The following ZNF101 variants were observed in gnomAD, a reference collection of about 807,000 sequenced individuals.
ZNF101 encodes the protein zinc finger protein 101 (Y2).
Under a neutral mutation model 42.6 loss-of-function variants are expected in ZNF101, and 34 were observed. The ratio of observed to expected loss-of-function variants is 0.80; its 90% confidence interval spans 0.61 to 1.06. The LOEUF (loss-of-function observed/expected upper bound fraction) is 1.06. Among genes scored for constraint, ZNF101 ranks in the 50% least tolerant of loss-of-function variants. ZNF101 has a pLI of 0.00. For missense variants in ZNF101, 466 were observed against 530.9 expected (o/e 0.88, Z 1.20); for synonymous variants, 158 against 183.9 (o/e 0.86, Z 1.14).
At chr19:19,670,867 A>G (rs2062163948) in intron 1 of ZNF101, among the ~76,000 whole-genome samples, 2 of 152,318 alleles carry the variant, frequency 1.3e-5, no homozygotes, top group African/African-American at 2.4e-5. Context: ...ACACTTTGGG[A>G]GGCAGAGGCA....
At position 19,679,733 on chromosome 19, in the gene ZNF101, T is replaced by C. The variant is rs755640847; in HGVS notation, c.744T>C (p.Thr248=). ...SLFQIHVRTH[T]GEKPYKCKQC... is the part of the protein sequence containing the mutation. ...TTCAAATTCATGTTAGAACTCACAC[T>C]GGAGAAAAACCTTACAAATGTAAAC... is the stretch of plus-strand genomic sequence containing the variant. Residue 248 remains threonine, a synonymous_variant, in exon 4 of 4, where the codon ACT becomes ACC. Coordinates refer to ENST00000592502, the MANE Select transcript of ZNF101 (RefSeq NM_033204.4). The C allele has an allele frequency of 6.2e-7, 1 of 1,614,160 alleles. No homozygotes were observed. Among genetic ancestry groups the C allele is most frequent in the Non-Finnish European group, 8.5e-7 (1 of 1,180,002 alleles).
At chr19:19,672,775 C>G (rs2062178841) in intron 1 of ZNF101, among the ~76,000 whole-genome samples, 1 of 152,102 alleles carries the variant, frequency 6.6e-6, no homozygotes, top group East Asian at 1.9e-4. Context: ...AATCCTCCCA[C>G]TTCGACCTCC....
chr19:19,668,294 A>T (rs191059909), upstream of ZNF101, among the ~76,000 whole-genome samples: 4 of 152,166 alleles, frequency 2.6e-5, no homozygotes, highest in Non-Finnish European at 5.9e-5. Context: ...TTATAGGGCG[A>T]GGAACTGGGC....
At chr19:19,668,789 G>A (rs2062149095), upstream of ZNF101, 2 of 722,716 alleles carry the variant, frequency 2.8e-6, no homozygotes, top group South Asian at 2.1e-5. Flanking sequence ...GCGCCGGGAG[G>A]AGGGGCAACT....
chr19:19,673,766 T>C (rs992572092), intron 1 of ZNF101, among the ~76,000 whole-genome samples: 2 of 148,846 alleles, frequency 1.3e-5, no homozygotes, highest in Non-Finnish European at 3.0e-5. Context: ...CTGGGTTTTA[T>C]ATTTGTTGAG....
At chr19:19,670,444 G>A (rs2062161373) in intron 1 of ZNF101, among the ~76,000 whole-genome samples, 1 of 152,160 alleles carries the variant, frequency 6.6e-6, no homozygotes, top group Non-Finnish European at 1.5e-5. Flanking sequence ...TCACTATGTT[G>A]CCCAGTCTGC....
At position 19,671,934 on chromosome 19, in the gene ZNF101, G is replaced by A. The variant is rs946556512; in HGVS notation, c.3+2968G>A. ...ACGGCTTGTAACAGCAATTCAAGAT[G>A]AACTGAGGGCAGGAACACTGGCAAA... On this transcript the variant is annotated intron_variant, in intron 1 of 3. Transcript: ENST00000592502. Among the ~76,000 whole-genome samples the A allele has an allele frequency of 5.9e-5, 9 of 151,946 alleles. No homozygotes were observed. In the South Asian group the frequency reaches 6.2e-4, roughly 10 times the overall value.
chr19:19,680,102 T>G lies in ZNF101; in HGVS notation c.1113T>G (p.Cys371Trp). 1 of 1,614,168 alleles carries G rather than the reference T, an allele frequency of 6.2e-7. No homozygotes were observed. Among genetic ancestry groups the G allele is most frequent in the Non-Finnish European group, 8.5e-7 (1 of 1,180,020 alleles). ...SGEKPYECTRCGKAFGWCSSL... is the reference protein window; with the variant it reads ...SGEKPYECTRWGKAFGWCSSL... The stretch of plus-strand genomic sequence containing the variant: ...AAAAGCCATATGAATGTACAAGGTG[T>G]GGTAAAGCCTTTGGGTGGTGCAGTT... The change falls in exon 4 of 4, where the codon TGT becomes TGG. Residue 371 changes from cysteine (C) to tryptophan (W), a missense_variant. Transcript: ENST00000592502.
rs751890669 is a variant in ZNF101, at chr19:19,668,944, AG to A, written c.-18del. 1.2e-5 allele frequency: 19 copies of A among 1,587,036 alleles called. No individual in the cohort carries two copies. In the Admixed American group the frequency reaches 3.1e-4, roughly 26 times the overall value. On this transcript the variant is annotated 5_prime_UTR_variant, in exon 1 of 4. Coordinates refer to ENST00000592502, the MANE Select transcript of ZNF101 (RefSeq NM_033204.4). ...GCTGCTCCAGCCCCAGGAAGGACCC[AG>A]GACACCCGGAAGCCGGAAATGGTGA...
chr19:19,678,862 C>T, intron 3 of ZNF101, 76 bp downstream of exon 3: 1 of 1,300,860 alleles, frequency 7.7e-7, no homozygotes, highest in Non-Finnish European at 1.1e-6. Flanking sequence ...TAAAAAAATA[C>T]AAGACAAATA....
chr19:19,672,337 T>A (rs2062175916), intron 1 of ZNF101: 1 of 151,444 alleles, frequency 6.6e-6, no homozygotes, highest in Admixed American at 6.6e-5. Context: ...GGTAGCTGAA[T>A]CCTGAGTAGC....
At chr19:19,677,532 G>A (rs76248948) in intron 1 of ZNF101, 3,716 of 207,028 alleles carry the variant, frequency 0.018, 61 homozygotes, top group South Asian at 0.042. Context: ...TGAAATGAGC[G>A]CTGTCTGCAC....
At position 19,679,196 on chromosome 19, in the gene ZNF101, ACT is replaced by A. The variant is rs1005732522; in HGVS notation, c.210_211del (p.Cys71TrpfsTer3). ...TTTTTCATAGAAGTCTGGTGGAGAG[ACT>A]CTGTGGACGTAAAGAAGGGAATGAA... ...GIKLRSLVER[L>X]CGRKEGNEHR... is the part of the protein sequence containing the mutation. On this transcript the variant is annotated frameshift_variant, in exon 4 of 4. Coordinates refer to ENST00000592502, the MANE Select transcript of ZNF101 (RefSeq NM_033204.4). LOFTEE classifies it high-confidence loss of function. 5.0e-6 allele frequency: 8 copies of A among 1,613,070 alleles called. No individual in the cohort carries two copies. In the Admixed American group the frequency reaches 5.0e-5, roughly 10 times the overall value.
upstream of ZNF101, among the ~76,000 whole-genome samples, chr19:19,668,511 G>A (rs1048484192): frequency 7.2e-5 from 11 of 152,136 alleles, no homozygotes; most frequent in East Asian, 1.9e-3. Flanking sequence ...TTGTGTGGCG[G>A]TCACAAAGGA....
At chr19:19,678,925 A>C in intron 3 of ZNF101, 139 bp downstream of exon 3, 1 of 938,972 alleles carries the variant, frequency 1.1e-6, no homozygotes, top group Non-Finnish European at 1.6e-6. Context: ...CCAAAAATCT[A>C]TCCTTCAATG....
chr19:19,668,176 C>G (rs933440320), upstream of ZNF101, among the ~76,000 whole-genome samples: 19 of 151,798 alleles, frequency 1.3e-4, no homozygotes, highest in African/African-American at 4.6e-4. Context: ...GTAAGGTCAG[C>G]CGAAAGGACG....
chr19:19,677,782 T>C, intron 1 of ZNF101, 82 bp from the exon 2 acceptor site: 1 of 1,548,192 alleles, frequency 6.5e-7, no homozygotes. Context: ...GAGCCCGGCG[T>C]CATGGGATCA....
At chr19:19,675,111 C>T (rs910379753) in intron 1 of ZNF101, among the ~76,000 whole-genome samples, 23 of 149,718 alleles carry the variant, frequency 1.5e-4, no homozygotes, top group African/African-American at 3.7e-4. Flanking sequence ...TGAGCCACCG[C>T]GCCCAGCCAA....
chr19:19,678,762 A>G lies in ZNF101; in HGVS notation c.167A>G (p.Tyr56Cys). The G allele has an allele frequency of 8.7e-6, 14 of 1,611,968 alleles. No homozygotes were observed. The highest frequency in any genetic ancestry group is 1.2e-5 in the Non-Finnish European group (14 of 1,179,410). The change falls in exon 3 of 4, where the codon TAC becomes TGC. Residue 56 changes from tyrosine (Y) to cysteine (C), a missense_variant. Transcript: ENST00000592502. ...QWKDQDIENL[Y>C]QNLGIKLRSL... The stretch of plus-strand genomic sequence containing the variant: ...AAAGACCAGGACATTGAGAATCTGT[A>G]CCAAAACCTGGGGATTAAGCTAAGG...
Sources: allele counts gnomAD v4.1 joint callset (sites outside exome capture counted in the v4.1 genomes callset), GRCh38; gene constraint gnomAD v4.1.1; transcripts MANE v1.5; gene names NCBI Gene and HGNC (gene_info 2026-07-23, HGNC 2026-07-21).